The following IL17RA variants were observed in gnomAD, a reference collection of about 807,000 sequenced individuals.
The protein encoded by IL17RA is interleukin-17 receptor A.
Under a neutral mutation model 50.4 loss-of-function variants are expected in IL17RA, and 34 were observed. The ratio of observed to expected loss-of-function variants is 0.67; its 90% CI spans 0.51 to 0.90. The LOEUF is 0.90. Among genes scored for constraint, IL17RA ranks in the 40% least tolerant of loss-of-function variants. The pLI is 0.00. For synonymous variants in IL17RA, 585 were observed against 510.4 expected (o/e 1.15, Z -1.97); for missense variants, 1,276 against 1,169.8 (o/e 1.09, Z -1.32).
chr22:17,102,866 G>T (rs1285204768), intron 7 of IL17RA, among the ~76,000 whole-genome samples: 1 of 151,690 alleles, frequency 6.6e-6, no homozygotes, highest in African/African-American at 2.4e-5. Context: ...AATATGCCAG[G>T]CACAGTGGTT....
At position 17,109,257 on chromosome 22, in the gene IL17RA, G is replaced by A. The variant is rs181468995; in HGVS notation, c.2038G>A (p.Ala680Thr). ...LAAEEGALVA[A>T]VEPGPLADGA... ...CGCAGAGGAGGGGGCCCTGGTGGCC[G>A]CGGTGGAGCCTGGGCCCCTGGCTGA... The change falls in exon 13 of 13, where the codon GCG becomes ACG. Residue 680 changes from alanine to threonine, a missense_variant. Transcript: ENST00000319363. The A allele has an allele frequency of 2.7e-6, 4 of 1,496,218 alleles. No individual in the cohort carries two copies. The highest frequency in any genetic ancestry group is 3.5e-6 in the Non-Finnish European group (4 of 1,128,816). 92.7% of individuals were successfully genotyped at this position (1,496,218 alleles called of 1,614,324 possible). A position where few individuals can be genotyped will look rare whatever the true frequency, so the allele number is the denominator to read the frequency against.
chr22:17,095,481 G>T (rs2061365397), intron 1 of IL17RA, among the ~76,000 whole-genome samples: 1 of 152,146 alleles, frequency 6.6e-6, no homozygotes, highest in Non-Finnish European at 1.5e-5. Flanking sequence ...TTCATCATGG[G>T]CATCATCCTG....
chr22:17,101,894 CT>C, intron 5 of IL17RA, 101 bp from the exon 6 acceptor site: 1 of 1,456,640 alleles, frequency 6.9e-7, no homozygotes, highest in Non-Finnish European at 9.6e-7. Context: ...TGCGGACAGG[CT>C]CCCAGTGGGG....
At chr22:17,094,673 C>T (rs1219387917) in intron 1 of IL17RA, among the ~76,000 whole-genome samples, 3 of 47,850 alleles carry the variant, frequency 6.3e-5, no homozygotes, top group African/African-American at 1.0e-4. Flanking sequence ...CTCTCTCTCT[C>T]TCTCTCTCTC....
chr22:17,085,016 CGGAAAAGAAA>C lies in IL17RA; in HGVS notation c.-74_-65del. 1 of 1,269,394 alleles carries C rather than the reference CGGAAAAGAAA, an allele frequency of 7.9e-7. No homozygotes were observed. Among genetic ancestry groups the C allele is most frequent in the Non-Finnish European group, 1.0e-6 (1 of 1,004,644 alleles). The allele number at this position is 1,269,394 out of a possible 1,614,324, so 78.6% of individuals were successfully genotyped here. A position where few individuals can be genotyped will look rare whatever the true frequency, so the allele number is the denominator to read the frequency against. On this transcript the variant is annotated 5_prime_UTR_variant, in exon 1 of 13. Transcript: ENST00000319363. The stretch of plus-strand genomic sequence containing the variant: ...AGTGGAGCCGACTCGAACTCCACCG[CGGAAAAGAAA>C]GCCTCAGAACGTTCGTTCGCTGCGT...
Position 17,098,769 on chromosome 22 carries a change from C to A in IL17RA, c.311-6C>A. Reference sequence around the variant, plus strand: ...CTGTTTGTCTTCTCTTCTCCCTCTCCTGCAGCCAGCATCCTGTACCTCGAG... The same window carrying A: ...CTGTTTGTCTTCTCTTCTCCCTCTCATGCAGCCAGCATCCTGTACCTCGAG... On this transcript the variant is annotated splice_region_variant and splice_polypyrimidine_tract_variant and intron_variant, in intron 3 of 12. Transcript: ENST00000319363. 6.2e-7 allele frequency: 1 copy of A among 1,612,426 alleles called. No individual in the cohort carries two copies. Among genetic ancestry groups the A allele is most frequent in the Non-Finnish European group, 8.5e-7 (1 of 1,178,446 alleles).
Position 17,100,397 on chromosome 22 carries a change from G to T in IL17RA, c.466G>T (p.Glu156Ter). 6.2e-7 allele frequency: 1 copy of T among 1,614,080 alleles called. No individual in the cohort carries two copies. Among genetic ancestry groups the T allele is most frequent in the Non-Finnish European group, 8.5e-7 (1 of 1,180,016 alleles). Residue 156 changes from glutamate (E) to a stop codon, truncating the protein, a stop_gained, in exon 5 of 13, where the codon GAA (glutamate) becomes TAA (stop). Coordinates refer to ENST00000319363, the MANE Select transcript of IL17RA (RefSeq NM_014339.7). LOFTEE classifies it high-confidence loss of function. ...FSHFVVDPDQ[E>*]YEVTVHHLPK... ...CCACTTTGTGGTTGACCCTGACCAG[G>T]AATATGAGGTGACCGTTCACCACCT... is the stretch of plus-strand genomic sequence containing the variant.
chr22:17,097,247 G>C, intron 2 of IL17RA, 161 bp downstream of exon 2: 1 of 717,110 alleles, frequency 1.4e-6, no homozygotes, highest in Non-Finnish European at 2.6e-6. Context: ...GCGTGCACCT[G>C]CGCTTCCTGT....
chr22:17,101,546 A>G (rs2061391375), intron 5 of IL17RA, among the ~76,000 whole-genome samples: 1 of 152,208 alleles, frequency 6.6e-6, no homozygotes. Context: ...GGCCTGGTGC[A>G]TAGTTGGTGC....
intron 7 of IL17RA, among the ~76,000 whole-genome samples, chr22:17,103,144 A>T (rs1383042453): frequency 6.6e-6 from 1 of 151,436 alleles, no homozygotes; most frequent in Non-Finnish European, 1.5e-5. Flanking sequence ...CTCCATCTCT[A>T]AAAAAAAAGA....
Position 17,109,203 on chromosome 22 carries a change from C to T in IL17RA, c.1984C>T (p.Pro662Ser). ...PHLQPRGQPAPQPLHTLVLAA... is the reference protein window; with the variant it reads ...PHLQPRGQPASQPLHTLVLAA... ...CCTGCAGCCCCGGGGTCAGCCAGCG[C>T]CGCAGCCCCTCCACACCCTGGTGCT... The change falls in exon 13 of 13, where the codon CCG becomes TCG. Residue 662 changes from proline to serine, a missense_variant. Pro to Ser is a moderately conservative substitution (Grantham distance 74). Transcript: ENST00000319363. The T allele has an allele frequency of 2.7e-6, 4 of 1,508,318 alleles. No homozygotes were observed. The highest frequency in any genetic ancestry group is 3.5e-6 in the Non-Finnish European group (4 of 1,133,588). The allele number at this position is 1,508,318 out of a possible 1,614,324, so 93.4% of individuals were successfully genotyped here.
At chr22:17,106,274 T>C (rs1174942271) in intron 11 of IL17RA, among the ~76,000 whole-genome samples, 1 of 152,184 alleles carries the variant, frequency 6.6e-6, no homozygotes, top group Non-Finnish European at 1.5e-5. Context: ...TGGAGCAGCC[T>C]GAACAACCCC....
intron 7 of IL17RA, among the ~76,000 whole-genome samples, 200 bp from the exon 8 acceptor site, chr22:17,103,294 G>A (rs977772260): frequency 2.0e-5 from 3 of 152,192 alleles, no homozygotes; most frequent in Non-Finnish European, 2.9e-5. Context: ...GTTACTACAC[G>A]TACTTAAGGA....
chr22:17,102,012 G>A lies in IL17RA; in HGVS notation c.567G>A (p.Arg189=). ...NFLVPDCEHA[R]MKVTTPCMSS... ...GGTCGACAGACTGTGAGCACGCCAG[G>A]ATGAAGGTAACCACGCCATGCATGA... Residue 189 remains arginine (R), a synonymous_variant, in exon 6 of 13, where the codon AGG becomes AGA. Transcript: ENST00000319363. The A allele has an allele frequency of 6.2e-7, 1 of 1,614,248 alleles. No homozygotes were observed. Among genetic ancestry groups the A allele is most frequent in the Non-Finnish European group, 8.5e-7 (1 of 1,180,048 alleles).
chr22:17,109,899 T>G lies in IL17RA; in HGVS notation c.*79T>G, dbSNP rs1044727172. 7.9e-7 allele frequency: 1 copy of G among 1,260,480 alleles called. No individual in the cohort carries two copies. The highest frequency in any genetic ancestry group is 1.3e-5 in the South Asian group (1 of 75,910). The allele number at this position is 1,260,480 out of a possible 1,614,324, so 78.1% of individuals were successfully genotyped here. Reference sequence around the variant, plus strand: ...GCACGTATTCATCTGTGTGTACATGTCTGCATGTGTATATGTTCGTGTGTG... The same window carrying G: ...GCACGTATTCATCTGTGTGTACATGGCTGCATGTGTATATGTTCGTGTGTG... On this transcript the variant is annotated 3_prime_UTR_variant, in exon 13 of 13. Coordinates refer to ENST00000319363, the MANE Select transcript of IL17RA (RefSeq NM_014339.7).
chr22:17,101,902 G>A (rs1276971234), intron 5 of IL17RA, 94 bp from the exon 6 acceptor site: 8 of 1,517,014 alleles, frequency 5.3e-6, no homozygotes, highest in Non-Finnish European at 7.3e-6. Flanking sequence ...GGCTCCCAGT[G>A]GGGAAAAGAT....
intron 4 of IL17RA, 149 bp downstream of exon 4, chr22:17,099,036 C>T: frequency 2.7e-6 from 2 of 733,868 alleles, no homozygotes; most frequent in Non-Finnish European, 4.9e-6. Context: ...CTGAGATGGG[C>T]AGAAGTCAAA....
chr22:17,110,701 C>G lies in IL17RA; in HGVS notation c.*881C>G, dbSNP rs2061438331. The G allele has an allele frequency of 6.6e-6, 1 of 152,086 alleles. No homozygotes were observed. Among genetic ancestry groups the G allele is most frequent in the Non-Finnish European group, 1.5e-5 (1 of 68,114 alleles). The allele number at this position is 152,086 out of a possible 1,614,324, so 9.4% of individuals were successfully genotyped here. A position where few individuals can be genotyped will look rare whatever the true frequency, so the allele number is the denominator to read the frequency against. ...TTTTAGTCAGTCATGGTGGCACATG[C>G]CTGTAGTCCCAGCTACTCGGGAGGC... On this transcript the variant is annotated 3_prime_UTR_variant, in exon 13 of 13. Transcript: ENST00000319363.
intron 10 of IL17RA, 123 bp from the exon 11 acceptor site, chr22:17,105,730 G>A (rs1462546039): frequency 4.3e-6 from 6 of 1,397,720 alleles, no homozygotes; most frequent in Non-Finnish European, 6.1e-6. Flanking sequence ...TGGGGGGTGA[G>A]ACCATGGTTT....
Sources: allele counts gnomAD v4.1 joint callset (sites outside exome capture counted in the v4.1 genomes callset), GRCh38; gene constraint gnomAD v4.1.1; transcripts MANE v1.5; gene names NCBI Gene and HGNC (gene_info 2026-07-23, HGNC 2026-07-21).